PTPRT: variants seen among roughly 807,000 people sequenced by gnomAD.
The protein encoded by PTPRT is receptor-type tyrosine-protein phosphatase T.
A neutral mutation model predicts 176.8 loss-of-function variants in PTPRT; 56 were observed. That is an observed-to-expected ratio of 0.32 (90% CI 0.26 to 0.40). PTPRT has a LOEUF of 0.40. Among genes scored for constraint, PTPRT ranks in the 10% least tolerant of loss-of-function variants. PTPRT has a pLI of 1.00. For missense variants in PTPRT, 1,540 were observed against 1,908.2 expected (o/e 0.81, Z 3.60); for synonymous variants, 783 against 739.0 (o/e 1.06, Z -0.96).
At chr20:42,052,485 AC>A in the PTPRT span, among the ~76,000 whole-genome samples, 1 of 152,052 alleles carries the variant, frequency 6.6e-6, no homozygotes. Flanking sequence ...GCCCCCCCAC[AC>A]CCCGCATACT....
intron 1 of PTPRT, among the ~76,000 whole-genome samples, chr20:42,916,372 C>T (rs529982282): frequency 6.6e-6 from 1 of 152,192 alleles, no homozygotes; most frequent in East Asian, 1.9e-4. Flanking sequence ...CGTTCTTGGA[C>T]ATTTAGGTTG....
rs367909150 is a variant in PTPRT at position 42,470,289 on chromosome 20, G to A, written c.1450+1977C>T. Among the ~76,000 whole-genome samples, 140 of 152,284 alleles carry A rather than the reference G, an allele frequency of 9.2e-4. 2 individuals carry two copies. The South Asian group carries it at 0.019, about 21-fold the overall frequency. ...CCATCCCAGACCCTAACTGTTGGCT[G>A]GCAGCTTCCTTGCCTAACTTAGGAC... On this transcript the variant is annotated intron_variant, in intron 8 of 30. Transcript: ENST00000373187.
chr20:42,574,473 G>A (rs947866003), intron 7 of PTPRT, among the ~76,000 whole-genome samples: 1 of 152,172 alleles, frequency 6.6e-6, no homozygotes, highest in Non-Finnish European at 1.5e-5. Flanking sequence ...AAGGTGACCT[G>A]CTTAGAAAGA....
At chr20:42,212,581 C>T (rs1206081609) in intron 15 of PTPRT, among the ~76,000 whole-genome samples, 4 of 152,112 alleles carry the variant, frequency 2.6e-5, no homozygotes, top group African/African-American at 7.2e-5. Flanking sequence ...AATCTGGCTC[C>T]ATGTCAGACT....
rs2146231377 is a variant in PTPRT at position 42,721,165 on chromosome 20, C to G, written c.859+35297G>C. Among the ~76,000 whole-genome samples, 2 of 152,280 alleles carry G rather than the reference C, an allele frequency of 1.3e-5. 1 individual carries two copies. The highest frequency in any genetic ancestry group is 4.2e-4 in the South Asian group (2 of 4,814). ...AGGGTAACTTCATGAACAAAAGTTACTTGGGCCTGAAAGAAGGCAAACCCA... is the reference window on the plus strand; with the variant it reads ...AGGGTAACTTCATGAACAAAAGTTAGTTGGGCCTGAAAGAAGGCAAACCCA... On this transcript the variant is annotated intron_variant, in intron 6 of 30. Transcript: ENST00000373187.
chr20:42,272,195 C>T (rs888834915), intron 13 of PTPRT, among the ~76,000 whole-genome samples: 15 of 152,064 alleles, frequency 9.9e-5, no homozygotes, highest in African/African-American at 2.2e-4. Context: ...ATATAAAATG[C>T]AAATTTCAGT....
At position 42,771,691 on chromosome 20, in the gene PTPRT, A is replaced by G; in HGVS notation, c.569-141T>C. On this transcript the variant is annotated intron_variant, in intron 4 of 30. Coordinates refer to ENST00000373187, the MANE Select transcript of PTPRT (RefSeq NM_007050.6). ...AGTAGCCCGGCTCAGTCAAGATTTC[A>G]TTGATCACTTATTATAAGTCTGGCA... 3 of 664,984 alleles carry G rather than the reference A, an allele frequency of 4.5e-6. No homozygotes were observed. In the South Asian group the frequency reaches 5.3e-5, roughly 12 times the overall value. 41.2% of individuals were successfully genotyped at this position (664,984 alleles called of 1,614,324 possible). A position where few individuals can be genotyped will look rare whatever the true frequency, so the allele number is the denominator to read the frequency against.
intron 7 of PTPRT, among the ~76,000 whole-genome samples, chr20:42,585,450 A>G (rs1202614156): frequency 6.6e-6 from 1 of 152,072 alleles, no homozygotes; most frequent in East Asian, 1.9e-4. Context: ...TGTATATGCT[A>G]TTTTTTGACA....
chr20:42,830,211 A>G (rs1424354323), intron 2 of PTPRT, among the ~76,000 whole-genome samples: 4 of 152,328 alleles, frequency 2.6e-5, no homozygotes, highest in African/African-American at 9.6e-5. Flanking sequence ...AATACTTGCA[A>G]ACCAAATCCA....
chr20:42,281,276 A>G (rs2057135168), intron 13 of PTPRT, among the ~76,000 whole-genome samples: 1 of 152,126 alleles, frequency 6.6e-6, no homozygotes, highest in African/African-American at 2.4e-5. Context: ...CTTTCCATCC[A>G]GGAGCCTGAG....
At chr20:43,182,642 C>A (rs974538745) in intron 1 of PTPRT, among the ~76,000 whole-genome samples, 1 of 152,088 alleles carries the variant, frequency 6.6e-6, no homozygotes, top group African/African-American at 2.4e-5. Context: ...CCATCCACCT[C>A]GGCCTCCCAA....
chr20:43,016,326 G>A (rs1182086987), intron 1 of PTPRT, among the ~76,000 whole-genome samples: 1 of 152,144 alleles, frequency 6.6e-6, no homozygotes, highest in African/African-American at 2.4e-5. Flanking sequence ...GCTTATAACA[G>A]ATTCTCACTG....
rs534294627 is a variant in PTPRT at position 42,842,610 on chromosome 20, G to C, written c.214+43197C>G. 2.1e-4 allele frequency among the ~76,000 whole-genome samples: 32 copies of C among 152,136 alleles called. No homozygotes were observed. The East Asian group carries it at 5.8e-3, about 28-fold the overall frequency. On this transcript the variant is annotated intron_variant, in intron 2 of 30. Coordinates refer to ENST00000373187, the MANE Select transcript of PTPRT (RefSeq NM_007050.6). ...AATTTTTGTATTTTTAGTAGAGATG[G>C]GGTTTCACCATGTTGGCTAGTATGG...
intron 9 of PTPRT, among the ~76,000 whole-genome samples, chr20:42,404,815 G>A (rs1344551527): frequency 1.3e-5 from 2 of 151,474 alleles, no homozygotes; most frequent in Non-Finnish European, 2.9e-5. Flanking sequence ...CTTGAAAAAC[G>A]TAACAGTCAT....
At chr20:42,404,590 T>C (rs2058941698) in intron 9 of PTPRT, among the ~76,000 whole-genome samples, 1 of 152,120 alleles carries the variant, frequency 6.6e-6, no homozygotes, top group South Asian at 2.1e-4. Flanking sequence ...GACAAGGCCA[T>C]TCTGCTCTCT....
At chr20:42,556,152 C>T (rs1054797993) in intron 7 of PTPRT, among the ~76,000 whole-genome samples, 1 of 152,142 alleles carries the variant, frequency 6.6e-6, no homozygotes, top group African/African-American at 2.4e-5. Context: ...AGGGACTTGC[C>T]TAGCTCAGAT....
At chr20:42,461,102 T>C (rs1018848526) in intron 8 of PTPRT, among the ~76,000 whole-genome samples, 5 of 152,084 alleles carry the variant, frequency 3.3e-5, no homozygotes, top group Non-Finnish European at 5.9e-5. Flanking sequence ...CCGAGGCCAG[T>C]GGATCACCTG....
intron 1 of PTPRT, among the ~76,000 whole-genome samples, chr20:43,109,196 C>G (rs1266223300): frequency 6.6e-6 from 1 of 152,118 alleles, no homozygotes; most frequent in African/African-American, 2.4e-5. Context: ...GCAATAATAT[C>G]AGGACTGTAT....
chr20:42,367,221 A>G (rs575843005), intron 9 of PTPRT, among the ~76,000 whole-genome samples: 2 of 152,354 alleles, frequency 1.3e-5, no homozygotes, highest in South Asian at 4.1e-4. Flanking sequence ...CGATTCCATC[A>G]TCAAGAAGAA....
Sources: allele counts gnomAD v4.1 joint callset (sites outside exome capture counted in the v4.1 genomes callset), GRCh38; gene constraint gnomAD v4.1.1; transcripts MANE v1.5; gene names NCBI Gene and HGNC (gene_info 2026-07-23, HGNC 2026-07-21).